Variants in HIGD2B observed in about 807,000 individuals in gnomAD.
HIGD2B encodes HIG1 domain family member 2B.
For synonymous variants in HIGD2B, 45 were observed against 28.1 expected, an observed-to-expected ratio of 1.60 and a Z score of -1.90; for missense variants, 106 against 67.0, an observed-to-expected ratio of 1.58 and a Z score of -2.03.
intron 1 of HIGD2B, among the ~76,000 whole-genome samples, chr15:72,680,964 G>C (rs1380775286): frequency 6.6e-6 from 1 of 152,244 alleles, no homozygotes; most frequent in Middle Eastern, 3.4e-3. Flanking sequence ...TCATACTGTG[G>C]ACTGACAGGA....
intron 1 of HIGD2B, among the ~76,000 whole-genome samples, chr15:72,683,894 A>G (rs2064775503): frequency 1.3e-5 from 1 of 77,926 alleles, no homozygotes; most frequent in South Asian, 5.2e-4. Context: ...TTTCATCTTT[A>G]TATCTTTTTT....
intron 1 of HIGD2B, among the ~76,000 whole-genome samples, chr15:72,680,764 T>A (rs1274227617): frequency 6.6e-6 from 1 of 152,190 alleles, no homozygotes; most frequent in African/African-American, 2.4e-5. Context: ...GGCAGATGCC[T>A]GTAATTCCAG....
At chr15:72,678,978 C>T (rs1030088191) in intron 2 of HIGD2B, among the ~76,000 whole-genome samples, 29 of 146,350 alleles carry the variant, frequency 2.0e-4, no homozygotes, top group African/African-American at 6.9e-4. Flanking sequence ...GCCTGGGTGA[C>T]AGAGCAAGAG....
rs541658343 is a variant in HIGD2B at position 72,680,545 on chromosome 15, T to C, written c.-192-352A>G. 2.0e-5 allele frequency among the ~76,000 whole-genome samples: 3 copies of C among 152,222 alleles called. No homozygotes were observed. In the East Asian group the frequency reaches 5.8e-4, roughly 29 times the overall value. ...AATAAATATAATCTGATATGCACTA[T>C]GATAAATGAGGTCAAAAAAAAAGGA... On this transcript the variant is annotated intron_variant, in intron 1 of 2. Coordinates refer to ENST00000311755, the MANE Select transcript of HIGD2B (RefSeq NM_001350932.3).
At chr15:72,682,289 T>G (rs2064758027) in intron 1 of HIGD2B, 1 of 210,136 alleles carries the variant, frequency 4.8e-6, no homozygotes, top group East Asian at 1.1e-4. Flanking sequence ...AAAACAAATC[T>G]TTATTGTGTA....
In HIGD2B at chr15:72,675,978, A is replaced by G. The variant is rs893802418; in HGVS notation, c.*76T>C. ...AGGGACCTCTCAAAGGAGAGGAGAG[A>G]GTAAGTCCCATGGTAGGGCCAGTGG... is the stretch of plus-strand genomic sequence containing the variant. On this transcript the variant is annotated 3_prime_UTR_variant, in exon 3 of 3. Coordinates refer to ENST00000311755, the MANE Select transcript of HIGD2B (RefSeq NM_001350932.3). 1.8e-5 allele frequency: 12 copies of G among 650,120 alleles called. No homozygotes were observed. Among genetic ancestry groups the G allele is most frequent in the African/African-American group, 1.4e-4 (8 of 56,026 alleles). 40.3% of individuals were successfully genotyped at this position (650,120 alleles called of 1,614,324 possible).
intron 1 of HIGD2B, among the ~76,000 whole-genome samples, chr15:72,684,973 C>T (rs1035151047): frequency 3.9e-5 from 6 of 152,018 alleles, no homozygotes; most frequent in South Asian, 2.1e-4. Context: ...TTAGTAGAGA[C>T]GGGGTTTCAC....
Position 72,686,142 on chromosome 15 carries a change from A to G in HIGD2B, c.-517T>C, listed in dbSNP as rs1426284548. The G allele has an allele frequency of 1.5e-6, 2 of 1,379,216 alleles. No individual in the cohort carries two copies. Among genetic ancestry groups the G allele is most frequent in the Non-Finnish European group, 2.0e-6 (2 of 998,738 alleles). The allele number at this position is 1,379,216 out of a possible 1,614,324, so 85.4% of individuals were successfully genotyped here. A position where few individuals can be genotyped will look rare whatever the true frequency, so the allele number is the denominator to read the frequency against. On this transcript the variant is annotated 5_prime_UTR_variant, in exon 1 of 3. Coordinates refer to ENST00000311755, the MANE Select transcript of HIGD2B (RefSeq NM_001350932.3). ...TTACTTCCTTCCCCCGCTTCCTCACAGTCCTCCACAGCCCTACGACTTCCG... is the reference window on the plus strand; with the variant it reads ...TTACTTCCTTCCCCCGCTTCCTCACGGTCCTCCACAGCCCTACGACTTCCG...
chr15:72,675,940 C>A lies in HIGD2B; in HGVS notation c.*114G>T. The A allele has an allele frequency of 1.7e-6, 1 of 599,956 alleles. No homozygotes were observed. The allele number at this position is 599,956 out of a possible 1,614,324, so 37.2% of individuals were successfully genotyped here. On this transcript the variant is annotated 3_prime_UTR_variant, in exon 3 of 3. Transcript: ENST00000311755. The stretch of plus-strand genomic sequence containing the variant: ...ATGGTTACAGGAAGGGTCACTTCCT[C>A]CCCCAACGACACAGGGACCTCTCAA...
Position 72,686,110 on chromosome 15 carries a change from C to T in HIGD2B, c.-485G>A. 7 of 1,077,884 alleles carry T rather than the reference C, an allele frequency of 6.5e-6. No individual in the cohort carries two copies. In the South Asian group the frequency reaches 6.7e-5, roughly 10 times the overall value. The allele number at this position is 1,077,884 out of a possible 1,614,324, so 66.8% of individuals were successfully genotyped here. ...CCTCCCCCTGATTCCTTAGGTCACT[C>T]GGCGATTTACTTCCTTCCCCCGCTT... On this transcript the variant is annotated 5_prime_UTR_variant, in exon 1 of 3. Coordinates refer to ENST00000311755, the MANE Select transcript of HIGD2B (RefSeq NM_001350932.3).
chr15:72,678,949 A>T (rs1567384388), intron 2 of HIGD2B, among the ~76,000 whole-genome samples: 1 of 151,964 alleles, frequency 6.6e-6, no homozygotes, highest in Non-Finnish European at 1.5e-5. Context: ...ATGAGCCATG[A>T]TTGTGCCACT....
Position 72,675,917 on chromosome 15 carries a change from G to T in HIGD2B, c.*137C>A, listed in dbSNP as rs1477197972. On this transcript the variant is annotated 3_prime_UTR_variant, in exon 3 of 3. Transcript: ENST00000311755. Reference sequence around the variant, plus strand: ...ATTTTTGAAAAAATCTTTCAGTTATGGTTACAGGAAGGGTCACTTCCTCCC... The same window carrying T: ...ATTTTTGAAAAAATCTTTCAGTTATTGTTACAGGAAGGGTCACTTCCTCCC... 2.2e-5 allele frequency: 13 copies of T among 587,196 alleles called. No individual in the cohort carries two copies. The highest frequency in any genetic ancestry group is 1.8e-5 in the Non-Finnish European group (6 of 329,522). The allele number at this position is 587,196 out of a possible 1,614,324, so 36.4% of individuals were successfully genotyped here. A position where few individuals can be genotyped will look rare whatever the true frequency, so the allele number is the denominator to read the frequency against.
chr15:72,679,174 G>A (rs1029161553), intron 2 of HIGD2B, among the ~76,000 whole-genome samples: 1 of 151,666 alleles, frequency 6.6e-6, no homozygotes, highest in African/African-American at 2.4e-5. Context: ...GAGCAGCCTC[G>A]TTAACATGGT....
intron 2 of HIGD2B, among the ~76,000 whole-genome samples, chr15:72,678,237 G>A (rs537692472): frequency 2.5e-4 from 38 of 152,294 alleles, no homozygotes; most frequent in African/African-American, 8.2e-4. Context: ...CACTCACAGA[G>A]GGAATTTTTG....
chr15:72,676,029 C>T lies in HIGD2B; in HGVS notation c.*25G>A, dbSNP rs1020926982. 9.8e-6 allele frequency: 7 copies of T among 713,368 alleles called. No homozygotes were observed. In the African/African-American group the frequency reaches 1.2e-4, roughly 12 times the overall value. 44.2% of individuals were successfully genotyped at this position (713,368 alleles called of 1,614,324 possible). A position where few individuals can be genotyped will look rare whatever the true frequency, so the allele number is the denominator to read the frequency against. ...TTGCTCCTGGGTTTTGGAATGATTT[C>T]TGCAGAGTTTTCAAGACCCTGGGCT... On this transcript the variant is annotated 3_prime_UTR_variant, in exon 3 of 3. Coordinates refer to ENST00000311755, the MANE Select transcript of HIGD2B (RefSeq NM_001350932.3).
At position 72,676,272 on chromosome 15, in the gene HIGD2B, A is replaced by T. The variant is rs1211588017; in HGVS notation, c.103T>A (p.Phe35Ile). 1 of 766,756 alleles carries T rather than the reference A, an allele frequency of 1.3e-6. No homozygotes were observed. The highest frequency in any genetic ancestry group is 2.4e-5 in the East Asian group (1 of 41,230). The allele number at this position is 766,756 out of a possible 1,614,324, so 47.5% of individuals were successfully genotyped here. Residue 35 changes from phenylalanine to isoleucine, a missense_variant, in exon 3 of 3, where the codon TTC becomes ATC. Physicochemically the swap from Phe to Ile is conservative, Grantham distance 21. Coordinates refer to ENST00000311755, the MANE Select transcript of HIGD2B (RefSeq NM_001350932.3). ...SPTVYSNPEG[F>I]KEKFLRKTRE... ...GTCTTGCGAAGGAACTTTTCCTTGAAACCCTCTGGATTGCTGTAAACAGTG... is the reference window on the plus strand; with the variant it reads ...GTCTTGCGAAGGAACTTTTCCTTGATACCCTCTGGATTGCTGTAAACAGTG...
chr15:72,683,222 T>G (rs1025582508), intron 1 of HIGD2B, among the ~76,000 whole-genome samples: 19 of 152,204 alleles, frequency 1.2e-4, no homozygotes, highest in African/African-American at 4.6e-4. Context: ...TGAAGAAGCC[T>G]TTGGAAAATT....
rs1408257593 is a variant in HIGD2B, at chr15:72,676,204, C to T, written c.171G>A (p.Ala57=). 1.8e-5 allele frequency: 14 copies of T among 764,110 alleles called. No individual in the cohort carries two copies. The highest frequency in any genetic ancestry group is 1.2e-4 in the Admixed American group (7 of 58,466). 47.3% of individuals were successfully genotyped at this position (764,110 alleles called of 1,614,324 possible). ...AGTAGAGGCCGTTGGTGAGGACGGC[C>T]GCCGTGCACAGGAAACCTATGGGTA... ...PVVPIGFLCT[A]AVLTNGLYCF... is the part of the protein sequence containing the mutation. The change falls in exon 3 of 3, where the codon GCG becomes GCA. Residue 57 remains alanine (A), a synonymous_variant. Coordinates refer to ENST00000311755, the MANE Select transcript of HIGD2B (RefSeq NM_001350932.3).
At chr15:72,685,310 A>T (rs2064805878) in intron 1 of HIGD2B, among the ~76,000 whole-genome samples, 1 of 152,200 alleles carries the variant, frequency 6.6e-6, no homozygotes, top group African/African-American at 2.4e-5. Flanking sequence ...GGCGAGACTT[A>T]AAAGTATGAA....
Sources: allele counts gnomAD v4.1 joint callset (sites outside exome capture counted in the v4.1 genomes callset), GRCh38; gene constraint gnomAD v4.1.1; transcripts MANE v1.5; gene names NCBI Gene and HGNC (gene_info 2026-07-23, HGNC 2026-07-21).